Variants in GNL3L observed in about 807,000 individuals in gnomAD.
The protein encoded by GNL3L is G protein nucleolar 3 like.
Under a neutral mutation model 42.9 loss-of-function variants are expected in GNL3L, and 4 were observed. The ratio of observed to expected loss-of-function variants is 0.09; its 90% CI spans 0.05 to 0.21. GNL3L has a LOEUF of 0.21. Among genes scored for constraint, GNL3L ranks in the 10% least tolerant of loss-of-function variants. The pLI, the probability that GNL3L is intolerant of heterozygous loss-of-function variation, is 1.00. For synonymous variants in GNL3L, 159 were observed against 176.3 expected, an observed-to-expected ratio of 0.90 and a Z score of 0.78; for missense variants, 412 against 481.7, an observed-to-expected ratio of 0.86 and a Z score of 1.36.
chrX:54,623,247 A>G (rs1926310778), downstream of GNL3L, among the ~76,000 whole-genome samples: 1 of 104,579 alleles, frequency 9.6e-6, no homozygotes, highest in African/African-American at 4.1e-5. Flanking sequence ...CCATTTCTGC[A>G]AAAAAAGGAT....
At position 54,566,514 on chromosome X, in the gene GNL3L, A is replaced by G. The variant is rs966513626; in HGVS notation, c.*5912A>G. ...CACAACCTCTGGCGACTGCCATGCT[A>G]CTTTCTGTCTCTGAATTTGAATACC... is the stretch of plus-strand genomic sequence containing the variant. On this transcript the variant is annotated 3_prime_UTR_variant, in exon 16 of 16. Coordinates refer to ENST00000360845, the MANE Select transcript of GNL3L (RefSeq NM_001184819.2). Among the ~76,000 whole-genome samples, 3 of 112,111 alleles carry G rather than the reference A, an allele frequency of 2.7e-5. No individual in the cohort carries two copies. Among genetic ancestry groups the G allele is most frequent in the South Asian group, 7.3e-4 (2 of 2,741 alleles).
At chrX:54,626,705 G>A in the GNL3L span, among the ~76,000 whole-genome samples, 2 of 111,534 alleles carry the variant, frequency 1.8e-5, no homozygotes, top group Admixed American at 1.9e-4. Context: ...TTTGAAAATA[G>A]CCATTCTGAG....
intron 14 of GNL3L, among the ~76,000 whole-genome samples, chrX:54,557,885 C>T (rs1601989596): frequency 9.1e-6 from 1 of 110,049 alleles, no homozygotes; most frequent in Non-Finnish European, 1.9e-5. Context: ...ACCACTGCGC[C>T]TGCCAGAAAA....
At chrX:54,611,555 T>A (rs1926161578) in intron 16 of GNL3L, among the ~76,000 whole-genome samples, 1 of 112,023 alleles carries the variant, frequency 8.9e-6, no homozygotes, top group Admixed American at 9.5e-5. Flanking sequence ...GTGTCATTAT[T>A]CTCTCAGTTC....
intron 1 of GNL3L, among the ~76,000 whole-genome samples, chrX:54,531,124 A>G (rs902997082): frequency 8.9e-6 from 1 of 111,931 alleles, no homozygotes; most frequent in African/African-American, 3.2e-5. Context: ...CATGCTTCGA[A>G]GCAAACAGGA....
At chrX:54,622,198 A>C (rs759605712), downstream of GNL3L, among the ~76,000 whole-genome samples, 5 of 100,327 alleles carry the variant, frequency 5.0e-5, no homozygotes, top group Non-Finnish European at 1.0e-4. Context: ...GTTTATTTGT[A>C]TGTCTTTTTG....
At chrX:54,551,782 A>G in intron 11 of GNL3L, 40 bp downstream of exon 11, 1 of 1,197,140 alleles carries the variant, frequency 8.4e-7, no homozygotes, top group Non-Finnish European at 1.1e-6. Flanking sequence ...GCCCTACTCT[A>G]AGGGCCCTTC....
intron 7 of GNL3L, among the ~76,000 whole-genome samples, chrX:54,543,831 T>C (rs894671304): frequency 8.9e-6 from 1 of 112,136 alleles, no homozygotes; most frequent in Non-Finnish European, 1.9e-5. Context: ...TGGTGGTCAG[T>C]ACTTCACACA....
intron 16 of GNL3L, among the ~76,000 whole-genome samples, chrX:54,608,538 T>A (rs1462071590): frequency 3.7e-5 from 4 of 107,174 alleles, no homozygotes; most frequent in African/African-American, 1.4e-4. Flanking sequence ...CCAAAGTCCA[T>A]CGTATCATTC....
intron 16 of GNL3L, among the ~76,000 whole-genome samples, chrX:54,593,492 A>T (rs186562537): frequency 0.014 from 1,477 of 108,621 alleles, 19 homozygotes; most frequent in African/African-American, 0.047. Flanking sequence ...CTCTGATTTT[A>T]TTTATTTGGG....
chrX:54,539,992 GGGATGAGA>G (rs1245621964), intron 3 of GNL3L, 135 bp from the exon 4 acceptor site: 2 of 465,519 alleles, frequency 4.3e-6, no homozygotes, highest in Non-Finnish European at 3.9e-6. Flanking sequence ...TGGGAGTGAG[GGGATGAGA>G]GGATGAGAGG....
downstream of GNL3L, among the ~76,000 whole-genome samples, chrX:54,623,675 A>AT (rs1211712392): frequency 4.5e-5 from 5 of 110,417 alleles, no homozygotes; most frequent in Admixed American, 9.6e-5. Context: ...TTGTCTTTTC[A>AT]TTTTTTTCAG....
downstream of GNL3L, among the ~76,000 whole-genome samples, chrX:54,567,623 G>A (rs1925471338): frequency 9.4e-6 from 1 of 106,085 alleles, no homozygotes; most frequent in Admixed American, 1.1e-4. Context: ...TCTAGCCTGG[G>A]CAACAAGAGC....
chrX:54,546,141 G>A (rs781138211), intron 8 of GNL3L, among the ~76,000 whole-genome samples: 3 of 112,747 alleles, frequency 2.7e-5, no homozygotes, highest in Non-Finnish European at 3.8e-5. Context: ...GATTACAGGC[G>A]TAAGCCACTG....
At chrX:54,612,776 A>G (rs1926178503) in intron 16 of GNL3L, among the ~76,000 whole-genome samples, 1 of 111,754 alleles carries the variant, frequency 8.9e-6, no homozygotes, top group Non-Finnish European at 1.9e-5. Flanking sequence ...TCTAGCTTGT[A>G]GGGTTTCTGC....
chrX:54,544,445 T>G, intron 8 of GNL3L, 119 bp downstream of exon 8: 1 of 426,626 alleles, frequency 2.3e-6, no homozygotes, highest in South Asian at 3.9e-5. Context: ...GCCTTCAACT[T>G]TGAGCTTTTT....
At chrX:54,576,010 GGGATGGAGTGTTCTAA>G (rs1387090704) in intron 16 of GNL3L, among the ~76,000 whole-genome samples, 2 of 112,291 alleles carry the variant, frequency 1.8e-5, no homozygotes, top group Non-Finnish European at 3.8e-5. Flanking sequence ...CTGCCATTGT[GGGATGGAGTGTTCTAA>G]GGATGATATT....
intron 16 of GNL3L, among the ~76,000 whole-genome samples, chrX:54,576,940 A>G (rs1217916041): frequency 1.8e-5 from 2 of 111,616 alleles, no homozygotes; most frequent in Non-Finnish European, 3.8e-5. Flanking sequence ...CATTTTTAGG[A>G]GAACAGTTCT....
chrX:54,537,960 G>A (rs761628969), intron 2 of GNL3L, among the ~76,000 whole-genome samples: 2 of 111,361 alleles, frequency 1.8e-5, no homozygotes, highest in African/African-American at 3.3e-5. Flanking sequence ...TTCTCACACA[G>A]TTCCTTTGAA....
Sources: gnomAD v4.1 joint callset for allele counts (sites outside exome capture counted in the v4.1 genomes callset) on GRCh38, gnomAD v4.1.1 for gene constraint, MANE v1.5 for transcripts, NCBI Gene and HGNC (gene_info 2026-07-23, HGNC 2026-07-21) for gene names.